HPSE2: variants seen among roughly 807,000 people sequenced by gnomAD.
The protein encoded by HPSE2 is heparanase 2 (inactive).
In HPSE2, 38 loss-of-function variants were observed where a neutral mutation model predicts 60.5. The ratio of observed to expected loss-of-function variants is 0.63; its 90% CI spans 0.48 to 0.82. HPSE2 has a LOEUF of 0.82. Among genes scored for constraint, HPSE2 ranks in the 40% least tolerant of loss-of-function variants. HPSE2 has a pLI of 0.00. For missense variants in HPSE2, 713 were observed against 740.4 expected (o/e 0.96, Z 0.43); for synonymous variants, 295 against 293.2 (o/e 1.01, Z -0.06).
chr10:98,658,147 C>G (rs529697589), intron 6 of HPSE2, among the ~76,000 whole-genome samples: 1 of 151,968 alleles, frequency 6.6e-6, no homozygotes, highest in Non-Finnish European at 1.5e-5. Context: ...AAGTATGGGC[C>G]TAAACGATAC....
At chr10:98,875,000 G>C (rs1952836226) in intron 3 of HPSE2, among the ~76,000 whole-genome samples, 6 of 152,006 alleles carry the variant, frequency 3.9e-5, no homozygotes, top group Admixed American at 3.9e-4. Flanking sequence ...TGCGCTGCTG[G>C]ATTCGGTTTG....
chr10:98,514,711 G>GTTTTTTTT (rs35977879), intron 9 of HPSE2, among the ~76,000 whole-genome samples: 3 of 67,726 alleles, frequency 4.4e-5, no homozygotes, highest in South Asian at 6.4e-4. Context: ...TATATACTTT[G>GTTTTTTTT]TTTTTTTTTT....
chr10:99,089,810 G>A (rs75054809), intron 3 of HPSE2, among the ~76,000 whole-genome samples: 65 of 152,228 alleles, frequency 4.3e-4, no homozygotes, highest in African/African-American at 1.4e-3. Flanking sequence ...CCATGAGCAT[G>A]GGATGTGTTT....
chr10:98,823,631 A>T (rs1951474276), intron 3 of HPSE2, among the ~76,000 whole-genome samples: 1 of 152,212 alleles, frequency 6.6e-6, no homozygotes, highest in Admixed American at 6.5e-5. Flanking sequence ...TCTCTAAAAA[A>T]TAAATAAATA....
rs80030890 is a variant in HPSE2, at chr10:98,910,004, T to C, written c.611-165948A>G. 7.9e-4 allele frequency among the ~76,000 whole-genome samples: 120 copies of C among 152,286 alleles called. 2 individuals carry two copies. In the East Asian group the frequency reaches 0.013, roughly 17 times the overall value. ...TTACTTAATACTCATCTATACTTTA[T>C]AGTATTTTCCAAGTTTTCTGAAAGG... On this transcript the variant is annotated intron_variant, in intron 3 of 11. Coordinates refer to ENST00000370552, the MANE Select transcript of HPSE2 (RefSeq NM_021828.5).
chr10:98,666,818 T>G (rs1381467126), intron 6 of HPSE2, among the ~76,000 whole-genome samples: 1 of 152,008 alleles, frequency 6.6e-6, no homozygotes, highest in African/African-American at 2.4e-5. Context: ...CTAAACACCT[T>G]CATTAAGTAG....
At chr10:98,679,179 T>G (rs1243437092) in intron 6 of HPSE2, among the ~76,000 whole-genome samples, 1 of 152,180 alleles carries the variant, frequency 6.6e-6, no homozygotes. Flanking sequence ...AATGAGGGGA[T>G]GCATGGAGTG....
At chr10:99,196,664 A>G (rs1028607326) in intron 2 of HPSE2, among the ~76,000 whole-genome samples, 8 of 152,326 alleles carry the variant, frequency 5.3e-5, no homozygotes, top group Non-Finnish European at 8.8e-5. Flanking sequence ...GCAAGGAGAT[A>G]TTATCTCACC....
chr10:99,012,974 T>C (rs1338743896), intron 3 of HPSE2: 1 of 313,762 alleles, frequency 3.2e-6, no homozygotes, highest in Non-Finnish European at 6.1e-6. Context: ...GGTCTTACTT[T>C]TTCTTCTCAT....
intron 3 of HPSE2, among the ~76,000 whole-genome samples, chr10:99,045,329 G>T (rs141698601): frequency 6.6e-6 from 1 of 152,144 alleles, no homozygotes; most frequent in Admixed American, 6.6e-5. Flanking sequence ...AACAAAACAT[G>T]CCAACATCTC....
At chr10:98,790,978 G>T (rs1589829932) in intron 3 of HPSE2, among the ~76,000 whole-genome samples, 1 of 152,120 alleles carries the variant, frequency 6.6e-6, no homozygotes, top group African/African-American at 2.4e-5. Context: ...TATTTGCAGG[G>T]GTGATGAGGT....
At chr10:98,771,038 G>C (rs1484331529) in intron 3 of HPSE2, among the ~76,000 whole-genome samples, 3 of 152,152 alleles carry the variant, frequency 2.0e-5, no homozygotes, top group South Asian at 2.1e-4. Context: ...TCTATCAAGA[G>C]AGCAGAGTTG....
In HPSE2 at chr10:99,063,334, GA is replaced by G. The variant is rs59112848; in HGVS notation, c.610+80903del. Among the ~76,000 whole-genome samples, 25 of 146,334 alleles carry G rather than the reference GA, an allele frequency of 1.7e-4. No homozygotes were observed. In the East Asian group the frequency reaches 2.4e-3, roughly 14 times the overall value. On this transcript the variant is annotated intron_variant, in intron 3 of 11. Coordinates refer to ENST00000370552, the MANE Select transcript of HPSE2 (RefSeq NM_021828.5). ...GAAAAATACAAACAACACACACACA[GA>G]AAAAAAAAACAGCAAGGATATACAT...
intron 6 of HPSE2, among the ~76,000 whole-genome samples, chr10:98,665,203 A>G (rs958280333): frequency 3.3e-5 from 5 of 152,230 alleles, no homozygotes; most frequent in Non-Finnish European, 7.3e-5. Context: ...CTCAGTTTGA[A>G]GACTGACTCT....
At chr10:98,893,326 CA>C (rs1318372184) in intron 3 of HPSE2, among the ~76,000 whole-genome samples, 3 of 152,144 alleles carry the variant, frequency 2.0e-5, no homozygotes, top group African/African-American at 7.2e-5. Flanking sequence ...CTCAGCCTCC[CA>C]AAGTGTTGGG....
chr10:98,903,999 G>C (rs185107132), intron 3 of HPSE2, among the ~76,000 whole-genome samples: 4 of 152,198 alleles, frequency 2.6e-5, no homozygotes, highest in Admixed American at 1.3e-4. Flanking sequence ...TTTTTCAACT[G>C]TGTAATGGAG....
intron 9 of HPSE2, among the ~76,000 whole-genome samples, chr10:98,514,344 T>C (rs1942519978): frequency 6.6e-6 from 1 of 152,192 alleles, no homozygotes; most frequent in Non-Finnish European, 1.5e-5. Context: ...TGGAAATAGC[T>C]AGTAGAGATG....
chr10:99,302,714 G>A, the HPSE2 span, among the ~76,000 whole-genome samples: 130,287 of 151,850 alleles, frequency 0.86, 56,267 homozygotes, highest in African/African-American at 0.93. Context: ...GGGACTCCCT[G>A]TTCAAATTAG....
chr10:99,013,325 T>G, intron 3 of HPSE2: 1 of 616,906 alleles, frequency 1.6e-6, no homozygotes, highest in Non-Finnish European at 3.1e-6. Flanking sequence ...TTTTATAGAG[T>G]TCTCTAGTTA....
Sources: allele counts gnomAD v4.1 joint callset (sites outside exome capture counted in the v4.1 genomes callset), GRCh38; gene constraint gnomAD v4.1.1; transcripts MANE v1.5; gene names NCBI Gene and HGNC (gene_info 2026-07-23, HGNC 2026-07-21).